The following WWOX variants were observed in gnomAD, a reference collection of about 807,000 sequenced individuals.
The protein encoded by WWOX is WW domain-containing oxidoreductase.
Under a neutral mutation model 46.2 loss-of-function variants are expected in WWOX, and 69 were observed. The observed-to-expected ratio is 1.49, with a 90% CI of 1.23 to 1.82. The LOEUF (loss-of-function observed/expected upper bound fraction) is 1.82, where lower values mean the gene tolerates loss of function less well. WWOX is among the 40% of genes most tolerant of loss of function. The pLI is 0.00. For synonymous variants in WWOX, 359 were observed against 202.6 expected (o/e 1.77, Z -6.56); for missense variants, 919 against 542.6 (o/e 1.69, Z -6.89).
intron 8 of WWOX, among the ~76,000 whole-genome samples, chr16:78,547,127 G>GAAAAAAAAAAAAAAAAAAAAAAAAAAA (rs199726097): frequency 1.1e-5 from 1 of 87,516 alleles, no homozygotes; most frequent in African/African-American, 6.8e-5. Context: ...CCTTGTCTCA[G>GAAAAAAAAAAAAAAAAAAAAAAAAAAA]AAAAAAAAAA....
At chr16:79,208,892 G>C (rs562709441) in intron 8 of WWOX, among the ~76,000 whole-genome samples, 14 of 152,174 alleles carry the variant, frequency 9.2e-5, no homozygotes, top group Admixed American at 2.6e-4. Flanking sequence ...ACAAGATATT[G>C]TTACTGCTTA....
At chr16:78,331,648 T>G (rs770471505) in intron 5 of WWOX, among the ~76,000 whole-genome samples, 2 of 152,174 alleles carry the variant, frequency 1.3e-5, no homozygotes, top group Non-Finnish European at 2.9e-5. Flanking sequence ...TTTCACTGGG[T>G]TCATGGGTGA....
At chr16:79,209,254 CA>C (rs1314823530) in intron 8 of WWOX, among the ~76,000 whole-genome samples, 1 of 152,214 alleles carries the variant, frequency 6.6e-6, no homozygotes, top group African/African-American at 2.4e-5. Context: ...GGTAGGTCCC[CA>C]GCTCCTGCAA....
chr16:78,853,365 A>C (rs1294272165), intron 8 of WWOX, among the ~76,000 whole-genome samples: 2 of 152,128 alleles, frequency 1.3e-5, no homozygotes, highest in East Asian at 3.9e-4. Context: ...GGCGCATGCC[A>C]CGAAGCCCGA....
intron 8 of WWOX, among the ~76,000 whole-genome samples, chr16:78,768,917 G>A (rs2049993030): frequency 6.6e-6 from 1 of 152,174 alleles, no homozygotes; most frequent in Non-Finnish European, 1.5e-5. Flanking sequence ...CTGCGCCATG[G>A]TGTAGGGGAG....
intron 8 of WWOX, among the ~76,000 whole-genome samples, chr16:78,858,048 G>T (rs2052607731): frequency 6.6e-6 from 1 of 151,938 alleles, no homozygotes; most frequent in African/African-American, 2.4e-5. Context: ...AGAGGTATTT[G>T]AGTTACAGTT....
chr16:79,209,285 T>C (rs1484670628), intron 8 of WWOX, among the ~76,000 whole-genome samples: 1 of 152,212 alleles, frequency 6.6e-6, no homozygotes, highest in Non-Finnish European at 1.5e-5. Context: ...TCTGAATCAA[T>C]GGGACTGCAG....
chr16:78,714,061 C>G (rs1042691975), intron 8 of WWOX, among the ~76,000 whole-genome samples: 3 of 152,150 alleles, frequency 2.0e-5, no homozygotes, highest in African/African-American at 4.8e-5. Flanking sequence ...AAAATGATGA[C>G]TTAAAGAGAC....
intron 8 of WWOX, among the ~76,000 whole-genome samples, chr16:78,542,896 G>C (rs984799746): frequency 6.6e-6 from 1 of 152,188 alleles, no homozygotes; most frequent in Non-Finnish European, 1.5e-5. Context: ...TGATCCCTGA[G>C]GATGTTAGCC....
chr16:78,879,998 C>T (rs540723045), intron 8 of WWOX, among the ~76,000 whole-genome samples: 7 of 152,062 alleles, frequency 4.6e-5, no homozygotes, highest in East Asian at 1.9e-4. Flanking sequence ...GGTGTAATGG[C>T]GTTAGATGAC....
chr16:78,736,379 G>T (rs979501563), intron 8 of WWOX, among the ~76,000 whole-genome samples: 3 of 152,118 alleles, frequency 2.0e-5, no homozygotes, highest in African/African-American at 7.2e-5. Context: ...GGTCACAAAA[G>T]CTAGGAAATG....
chr16:79,112,967 G>T (rs770604070), intron 8 of WWOX, among the ~76,000 whole-genome samples: 1 of 152,126 alleles, frequency 6.6e-6, no homozygotes, highest in Non-Finnish European at 1.5e-5. Context: ...GCTGTGCTTT[G>T]GTTCATTTTC....
chr16:79,000,486 G>A (rs114724818), intron 8 of WWOX, among the ~76,000 whole-genome samples: 1,615 of 152,264 alleles, frequency 0.011, 29 homozygotes, highest in African/African-American at 0.037. Flanking sequence ...AGGCAGATGG[G>A]TCATAATCAG....
intron 5 of WWOX, among the ~76,000 whole-genome samples, chr16:78,213,020 A>G (rs1382934778): frequency 6.6e-6 from 1 of 151,964 alleles, no homozygotes; most frequent in Non-Finnish European, 1.5e-5. Context: ...GCAACTTGGG[A>G]GGTGGGCGGA....
intron 8 of WWOX, among the ~76,000 whole-genome samples, chr16:78,986,952 C>G (rs1204023455): frequency 2.6e-5 from 4 of 151,892 alleles, no homozygotes; most frequent in African/African-American, 9.7e-5. Flanking sequence ...ACAAAAAGTC[C>G]CACCAAGAGC....
intron 8 of WWOX, among the ~76,000 whole-genome samples, chr16:79,022,667 T>C (rs566322067): frequency 6.6e-6 from 1 of 152,186 alleles, no homozygotes; most frequent in Non-Finnish European, 1.5e-5. Context: ...GGGGCTGATT[T>C]ATGCCAAATG....
chr16:78,271,162 C>A (rs899975735), intron 5 of WWOX, among the ~76,000 whole-genome samples: 3 of 152,182 alleles, frequency 2.0e-5, no homozygotes, highest in Non-Finnish European at 4.4e-5. Context: ...TCTGTGCCAT[C>A]TTGAGTCACG....
chr16:78,434,382 C>T (rs565978379), intron 8 of WWOX, among the ~76,000 whole-genome samples: 12 of 152,262 alleles, frequency 7.9e-5, no homozygotes, highest in Non-Finnish European at 1.2e-4. Context: ...ACTGCATAAG[C>T]GCAGCCTCTT....
intron 8 of WWOX, among the ~76,000 whole-genome samples, chr16:79,091,676 C>G (rs917406832): frequency 6.6e-6 from 1 of 151,970 alleles, no homozygotes; most frequent in Non-Finnish European, 1.5e-5. Context: ...ATTCTTACCT[C>G]TTCGTTAAAG....
Sources: gnomAD v4.1 joint callset for allele counts (sites outside exome capture counted in the v4.1 genomes callset) on GRCh38, gnomAD v4.1.1 for gene constraint, MANE v1.5 for transcripts, NCBI Gene and HGNC (gene_info 2026-07-23, HGNC 2026-07-21) for gene names.